Variants in RECK observed in about 807,000 individuals in gnomAD.
RECK encodes the protein reversion-inducing cysteine-rich protein with Kazal motifs.
RECK carries 69 observed loss-of-function variants against 115.1 expected under a neutral mutation model. The ratio of observed to expected loss-of-function variants is 0.60; its 90% CI spans 0.49 to 0.73. RECK has a LOEUF of 0.73. Among genes scored for constraint, RECK ranks in the 30% least tolerant of loss-of-function variants. RECK has a pLI of 0.00. For missense variants in RECK, 1,047 were observed against 1,203.7 expected, an observed-to-expected ratio of 0.87 and a Z score of 1.93; for synonymous variants, 414 against 419.7, an observed-to-expected ratio of 0.99 and a Z score of 0.17.
At chr9:36,059,549 T>C (rs548579379) in intron 3 of RECK, among the ~76,000 whole-genome samples, 2 of 152,338 alleles carry the variant, frequency 1.3e-5, no homozygotes, top group Admixed American at 1.3e-4. Context: ...AATCTGTTTA[T>C]TTTGATTTTG....
chr9:36,102,693 A>T (rs1051328823), intron 12 of RECK, among the ~76,000 whole-genome samples: 3 of 152,012 alleles, frequency 2.0e-5, no homozygotes, highest in African/African-American at 7.2e-5. Flanking sequence ...TGGTGACTCA[A>T]GCCTGTAATC....
rs947920448 is a variant in RECK at position 36,094,523 on chromosome 9, T to C, written c.1085+3180T>C. On this transcript the variant is annotated intron_variant, in intron 10 of 20. Coordinates refer to ENST00000377966, the MANE Select transcript of RECK (RefSeq NM_021111.3). The surrounding 1 kb of genome is among the most constrained non-coding windows in gnomAD (Gnocchi z 4.1). ...AATGGAAAACTAAAATAATACTTGA[T>C]CCATCCAAAAGAAGACAGAAAGAAA... 1.3e-5 allele frequency among the ~76,000 whole-genome samples: 2 copies of C among 151,932 alleles called. No individual in the cohort carries two copies. Among genetic ancestry groups the C allele is most frequent in the African/African-American group, 4.8e-5 (2 of 41,372 alleles).
chr9:36,079,307 AAAAG>A (rs1223847720), intron 6 of RECK, among the ~76,000 whole-genome samples: 1 of 152,200 alleles, frequency 6.6e-6, no homozygotes, highest in Non-Finnish European at 1.5e-5. Flanking sequence ...AAGTCACACT[AAAAG>A]AAGGAAACAT....
At chr9:36,100,657 C>G in intron 11 of RECK, 114 bp downstream of exon 11, 2 of 732,214 alleles carry the variant, frequency 2.7e-6, no homozygotes, top group South Asian at 3.7e-5. Flanking sequence ...CCTATCACCC[C>G]CGTATGTCAA....
chr9:36,054,705 T>C (rs974203789), intron 2 of RECK, among the ~76,000 whole-genome samples: 1 of 152,124 alleles, frequency 6.6e-6, no homozygotes, highest in Non-Finnish European at 1.5e-5. Context: ...AAAAATTTTT[T>C]AATAAAAATA....
chr9:36,105,006 T>G, intron 12 of RECK, 137 bp from the exon 13 acceptor site: 1 of 610,016 alleles, frequency 1.6e-6, no homozygotes, highest in Non-Finnish European at 2.8e-6. Context: ...TCTCGGTGTT[T>G]TAATAGCTTG....
At chr9:36,088,729 G>A (rs1470581499) in intron 9 of RECK, among the ~76,000 whole-genome samples, 2 of 152,218 alleles carry the variant, frequency 1.3e-5, no homozygotes, top group South Asian at 4.1e-4. Flanking sequence ...TTTTTTAAAA[G>A]ACATGAAGGT....
rs534235492 is a variant in RECK at position 36,091,019 on chromosome 9, T to C, written c.906-145T>C. On this transcript the variant is annotated intron_variant, in intron 9 of 20. Coordinates refer to ENST00000377966, the MANE Select transcript of RECK (RefSeq NM_021111.3). ...AACAATCAACTTTTTCTGGCTCTAG[T>C]TTCTAGGAAATAGTCATTTGGTTTT... is the stretch of plus-strand genomic sequence containing the variant. The C allele has an allele frequency of 1.2e-4, 73 of 614,980 alleles. No homozygotes were observed. The African/African-American group carries it at 1.2e-3, about 10-fold the overall frequency. 38.1% of individuals were successfully genotyped at this position (614,980 alleles called of 1,614,324 possible). A position where few individuals can be genotyped will look rare whatever the true frequency, so the allele number is the denominator to read the frequency against.
rs1222099793 is a variant in RECK at position 36,094,936 on chromosome 9, C to T, written c.1085+3593C>T. 1.3e-5 allele frequency among the ~76,000 whole-genome samples: 2 copies of T among 152,104 alleles called. No homozygotes were observed. Among genetic ancestry groups the T allele is most frequent in the African/African-American group, 4.8e-5 (2 of 41,422 alleles). On this transcript the variant is annotated intron_variant, in intron 10 of 20. Coordinates refer to ENST00000377966, the MANE Select transcript of RECK (RefSeq NM_021111.3). This position sits in a 1 kb window ranked among gnomAD's most constrained non-coding sequence, Gnocchi z 4.1. ...GAACAACATATGCTGGGTTAAAAAGCAAGTCTCAACCGCTGTCAGAAGATG... is the reference window on the plus strand; with the variant it reads ...GAACAACATATGCTGGGTTAAAAAGTAAGTCTCAACCGCTGTCAGAAGATG...
chr9:36,037,288 G>T (rs980311868), intron 1 of RECK, among the ~76,000 whole-genome samples, 190 bp downstream of exon 1: 5 of 151,628 alleles, frequency 3.3e-5, no homozygotes, highest in Non-Finnish European at 7.4e-5. Flanking sequence ...AACTCTCTCC[G>T]CCCCAAGATC....
Position 36,106,690 on chromosome 9 carries a change from G to T in RECK, c.1577-1286G>T, listed in dbSNP as rs540936544. Among the ~76,000 whole-genome samples the T allele has an allele frequency of 4.4e-4, 67 of 152,160 alleles. 2 individuals carry two copies. The South Asian group carries it at 0.013, about 30-fold the overall frequency. On this transcript the variant is annotated intron_variant, in intron 13 of 20. Coordinates refer to ENST00000377966, the MANE Select transcript of RECK (RefSeq NM_021111.3). ...AATGTCGGACTGTTTTAAATTTCAA[G>T]ATAGTATTTTCTGTCCATTTACCCT...
intron 7 of RECK, 43 bp from the exon 8 acceptor site, chr9:36,083,322 A>C (rs562934068): frequency 1.9e-6 from 3 of 1,577,538 alleles, no homozygotes; most frequent in East Asian, 4.5e-5. Context: ...ATGTTAACAA[A>C]AAGCTGTTTC....
At chr9:36,086,629 A>G (rs1343859187) in intron 8 of RECK, among the ~76,000 whole-genome samples, 2 of 152,044 alleles carry the variant, frequency 1.3e-5, no homozygotes, top group Admixed American at 1.3e-4. Context: ...GGCCCCGCCC[A>G]CATCTGCTGA....
chr9:36,118,043 G>C (rs575390059), intron 17 of RECK, among the ~76,000 whole-genome samples: 13 of 152,256 alleles, frequency 8.5e-5, no homozygotes, highest in African/African-American at 2.9e-4. Flanking sequence ...CTGATTTTAT[G>C]CTTGCCCCTC....
intron 20 of RECK, among the ~76,000 whole-genome samples, chr9:36,122,321 T>C (rs1423373147): frequency 1.3e-5 from 2 of 152,210 alleles, no homozygotes; most frequent in East Asian, 3.8e-4. Context: ...GACATTAAAA[T>C]TGTATTCTGT....
At chr9:36,102,281 C>A (rs1823594286) in intron 12 of RECK, 51 bp downstream of exon 12, 1 of 1,464,714 alleles carries the variant, frequency 6.8e-7, no homozygotes, top group African/African-American at 1.4e-5. Flanking sequence ...CTTCTCTCTT[C>A]CAACTATTTG....
intron 1 of RECK, among the ~76,000 whole-genome samples, chr9:36,047,357 C>A (rs1350700041): frequency 6.6e-6 from 1 of 152,072 alleles, no homozygotes; most frequent in African/African-American, 2.4e-5. Flanking sequence ...ACCTGTAATC[C>A]CAGCACTTTG....
chr9:36,076,343 G>A (rs553941718), intron 6 of RECK, among the ~76,000 whole-genome samples: 3 of 152,314 alleles, frequency 2.0e-5, no homozygotes, highest in South Asian at 2.1e-4. Flanking sequence ...ATTGCAGAGC[G>A]AACTTCTGGG....
chr9:36,122,314 A>G (rs1824492093), intron 20 of RECK, among the ~76,000 whole-genome samples: 1 of 152,242 alleles, frequency 6.6e-6, no homozygotes, highest in African/African-American at 2.4e-5. Context: ...TTCAATGGAC[A>G]TTAAAATTGT....
Sources: gnomAD v4.1 joint callset for allele counts (sites outside exome capture counted in the v4.1 genomes callset) on GRCh38, gnomAD v4.1.1 for gene constraint, Gnocchi (gnomAD v3.1) non-coding constraint, MANE v1.5 for transcripts, NCBI Gene and HGNC (gene_info 2026-07-23, HGNC 2026-07-21) for gene names.